The following PRKG1 variants were observed in gnomAD, a reference collection of about 807,000 sequenced individuals.
PRKG1 encodes cGMP-dependent protein kinase 1.
In PRKG1, 35 loss-of-function variants were observed where a neutral mutation model predicts 88.1. The ratio of observed to expected loss-of-function variants is 0.40; its 90% CI spans 0.30 to 0.53. The LOEUF (loss-of-function observed/expected upper bound fraction) is 0.53, where lower values mean the gene tolerates loss of function less well. Ranked by LOEUF, PRKG1 falls within the 20% of genes least tolerant of loss-of-function variation. The pLI is 0.59. For synonymous variants in PRKG1, 303 were observed against 292.5 expected (o/e 1.04, Z -0.37); for missense variants, 540 against 839.8 (o/e 0.64, Z 4.41).
intron 1 of PRKG1, among the ~76,000 whole-genome samples, chr10:51,081,115 G>A (rs1844098931): frequency 6.6e-6 from 1 of 151,998 alleles, no homozygotes; most frequent in South Asian, 2.1e-4. Context: ...ATTCATATAA[G>A]CATTCCTTCT....
intron 3 of PRKG1, among the ~76,000 whole-genome samples, chr10:51,765,716 C>T (rs979386565): frequency 2.0e-5 from 3 of 152,000 alleles, no homozygotes; most frequent in African/African-American, 7.2e-5. Context: ...CCATAGTCAA[C>T]TGAAGTAACA....
intron 9 of PRKG1, among the ~76,000 whole-genome samples, chr10:52,203,476 C>G (rs999096773): frequency 6.6e-6 from 1 of 152,078 alleles, no homozygotes; most frequent in African/African-American, 2.4e-5. Context: ...GCAGATGAGA[C>G]TAATGTAGAT....
intron 2 of PRKG1, among the ~76,000 whole-genome samples, chr10:51,359,502 A>C (rs1327779384): frequency 6.6e-6 from 1 of 151,792 alleles, no homozygotes; most frequent in Non-Finnish European, 1.5e-5. Flanking sequence ...TATTATTAAC[A>C]GTCATATATG....
intron 4 of PRKG1, among the ~76,000 whole-genome samples, chr10:51,864,104 C>A (rs956537370): frequency 5.9e-5 from 9 of 152,198 alleles, no homozygotes; most frequent in Non-Finnish European, 1.0e-4. Context: ...GGACACAGGA[C>A]TTCCAGTTTT....
intron 2 of PRKG1, among the ~76,000 whole-genome samples, chr10:51,392,588 C>G (rs76675303): frequency 0.017 from 2,536 of 151,888 alleles, 31 homozygotes; most frequent in Non-Finnish European, 0.023. Flanking sequence ...ACCTTTCCCC[C>G]CTTTCTATTC....
intron 9 of PRKG1, among the ~76,000 whole-genome samples, chr10:52,194,855 C>T (rs1158018354): frequency 6.6e-6 from 1 of 152,142 alleles, no homozygotes; most frequent in Non-Finnish European, 1.5e-5. Flanking sequence ...GCATCAGCCA[C>T]TTGCATCAAG....
intron 8 of PRKG1, 109 bp from the exon 9 acceptor site, chr10:52,161,780 A>G: frequency 1.1e-6 from 1 of 885,902 alleles, no homozygotes; most frequent in South Asian, 1.5e-5. Context: ...TAAGTGTTTG[A>G]ATTTACTTTT....
intron 2 of PRKG1, among the ~76,000 whole-genome samples, chr10:51,396,062 G>A (rs894927649): frequency 1.3e-5 from 2 of 152,104 alleles, no homozygotes; most frequent in Non-Finnish European, 2.9e-5. Flanking sequence ...AAAAATAAAG[G>A]TATTTGATAA....
chr10:51,867,443 G>T (rs1008951456), intron 4 of PRKG1, among the ~76,000 whole-genome samples: 2 of 152,144 alleles, frequency 1.3e-5, no homozygotes, highest in Admixed American at 6.6e-5. Flanking sequence ...GAGGAATAAA[G>T]GTGGTGTGAT....
chr10:51,638,436 G>T, intron 3 of PRKG1, among the ~76,000 whole-genome samples: 1 of 152,142 alleles, frequency 6.6e-6, no homozygotes, highest in East Asian at 1.9e-4. Context: ...CAATCACAAG[G>T]AAAGATATAT....
In PRKG1 at chr10:52,088,954, G is replaced by A. The variant is rs141029873; in HGVS notation, c.935+26323G>A. Reference sequence around the variant, plus strand: ...ATATTACATAAACAAAGGGTGTATGGCACATGAGTGATTGAAACTTTATTT... The same window carrying A: ...ATATTACATAAACAAAGGGTGTATGACACATGAGTGATTGAAACTTTATTT... On this transcript the variant is annotated intron_variant, in intron 7 of 17. Coordinates refer to ENST00000373980, the MANE Select transcript of PRKG1 (RefSeq NM_006258.4). 3.4e-3 allele frequency among the ~76,000 whole-genome samples: 522 copies of A among 152,238 alleles called. 2 individuals are homozygous for A. Among genetic ancestry groups the A allele is most frequent in the African/African-American group, 0.012 (507 of 41,550 alleles).
intron 5 of PRKG1, among the ~76,000 whole-genome samples, chr10:52,048,843 C>G (rs1845922585): frequency 6.6e-6 from 1 of 152,062 alleles, no homozygotes; most frequent in African/African-American, 2.4e-5. Context: ...ACTCCGTTTT[C>G]TTATTTGAAA....
chr10:52,132,801 G>C (rs1837301955), intron 7 of PRKG1, among the ~76,000 whole-genome samples: 2 of 151,254 alleles, frequency 1.3e-5, no homozygotes, highest in African/African-American at 2.4e-5. Flanking sequence ...AATTCTCATG[G>C]GTACATAGTA....
chr10:51,854,859 A>AT (rs1840640514), intron 4 of PRKG1, among the ~76,000 whole-genome samples: 1 of 151,976 alleles, frequency 6.6e-6, no homozygotes, highest in Non-Finnish European at 1.5e-5. Flanking sequence ...ATGTGCAAAA[A>AT]ATATATATAC....
chr10:51,126,219 A>ATGT (rs1261528791), intron 1 of PRKG1, among the ~76,000 whole-genome samples: 185 of 120,526 alleles, frequency 1.5e-3, no homozygotes, highest in African/African-American at 5.6e-3. Context: ...AATTATTTAT[A>ATGT]TATTTATATA....
intron 2 of PRKG1, among the ~76,000 whole-genome samples, chr10:51,154,201 C>A (rs1846147602): frequency 6.6e-6 from 1 of 151,968 alleles, no homozygotes; most frequent in Non-Finnish European, 1.5e-5. Flanking sequence ...CTTAATTTCT[C>A]TGTTTCACCT....
chr10:51,271,177 GA>G (rs1319954803), intron 2 of PRKG1, among the ~76,000 whole-genome samples: 2 of 152,106 alleles, frequency 1.3e-5, no homozygotes, highest in Non-Finnish European at 2.9e-5. Flanking sequence ...GGTATGAAGA[GA>G]AGCTATATAT....
chr10:51,123,775 G>T (rs1845327315), intron 1 of PRKG1, among the ~76,000 whole-genome samples: 2 of 152,072 alleles, frequency 1.3e-5, no homozygotes, highest in South Asian at 4.1e-4. Context: ...GGTTCTGCAG[G>T]CTGTACAGAA....
chr10:51,452,141 C>T (rs1051659637), intron 2 of PRKG1, among the ~76,000 whole-genome samples: 4 of 151,894 alleles, frequency 2.6e-5, no homozygotes, highest in African/African-American at 9.7e-5. Flanking sequence ...GTGCATTCAT[C>T]ACCACAGTCA....
Sources: allele counts gnomAD v4.1 joint callset (sites outside exome capture counted in the v4.1 genomes callset), GRCh38; gene constraint gnomAD v4.1.1; transcripts MANE v1.5; gene names NCBI Gene and HGNC (gene_info 2026-07-23, HGNC 2026-07-21).